SUPT6H: variants seen among roughly 807,000 people sequenced by gnomAD.
SUPT6H encodes the protein transcription elongation factor SPT6.
Under a neutral mutation model 222.3 loss-of-function variants are expected in SUPT6H, and 11 were observed. The observed-to-expected ratio is 0.05, with a 90% CI of 0.03 to 0.08. The LOEUF (loss-of-function observed/expected upper bound fraction) is 0.08. SUPT6H is among the 10% of genes least tolerant of loss of function. SUPT6H has a pLI of 1.00. For synonymous variants in SUPT6H, 762 were observed against 801.2 expected, an observed-to-expected ratio of 0.95 and a Z score of 0.83; for missense variants, 1,422 against 2,216.0, an observed-to-expected ratio of 0.64 and a Z score of 7.19.
At chr17:28,667,067 A>AAT (rs375475021) in intron 1 of SUPT6H, among the ~76,000 whole-genome samples, 83 of 152,004 alleles carry the variant, frequency 5.5e-4, no homozygotes, top group African/African-American at 1.9e-3. Context: ...ATACCTTTGG[A>AAT]ATAGTCCTAG....
Position 28,683,642 on chromosome 17 carries a change from T to C in SUPT6H, c.2055T>C (p.Tyr685=). The change falls in exon 17 of 37, where the codon TAT becomes TAC. Residue 685 remains tyrosine (Y), a synonymous_variant. Coordinates refer to ENST00000314616, the MANE Select transcript of SUPT6H (RefSeq NM_003170.5). Reference sequence around the variant, plus strand: ...TCAGCTATGGCAACGACCAGACATATTTTGAGGAGATAAAACAGTTTTACT... The same window carrying C: ...TCAGCTATGGCAACGACCAGACATACTTTGAGGAGATAAAACAGTTTTACT... ...GVEGYGNDQT[Y]FEEIKQFYYR... is the part of the protein sequence containing the mutation. The C allele has an allele frequency of 6.2e-7, 1 of 1,614,052 alleles. No homozygotes were observed. Among genetic ancestry groups the C allele is most frequent in the African/African-American group, 1.3e-5 (1 of 75,006 alleles).
At chr17:28,681,800 T>C (rs2031117140) in intron 12 of SUPT6H, 82 bp from the exon 13 acceptor site, 2 of 1,273,052 alleles carry the variant, frequency 1.6e-6, no homozygotes, top group African/African-American at 1.5e-5. Flanking sequence ...TGGGTACCCT[T>C]TGAGGCTTCT....
Position 28,664,685 on chromosome 17 carries a change from C to G in SUPT6H, c.-32+2343C>G, listed in dbSNP as rs1307573398. ...TTGCAGAATCACGCGTCAAAAATGC[C>G]TGTTTAATTATCTCCATTTGGATAT... On this transcript the variant is annotated intron_variant, in intron 1 of 36. Coordinates refer to ENST00000314616, the MANE Select transcript of SUPT6H (RefSeq NM_003170.5). 2.6e-5 allele frequency among the ~76,000 whole-genome samples: 4 copies of G among 152,194 alleles called. No individual in the cohort carries two copies. The South Asian group carries it at 6.2e-4, about 24-fold the overall frequency.
At chr17:28,664,964 C>T (rs1308746262) in intron 1 of SUPT6H, among the ~76,000 whole-genome samples, 1 of 152,312 alleles carries the variant, frequency 6.6e-6, no homozygotes, top group East Asian at 1.9e-4. Context: ...CCACCTTATT[C>T]CAAGCCACCA....
intron 33 of SUPT6H, 62 bp from the exon 34 acceptor site, chr17:28,700,111 C>A: frequency 2.5e-6 from 4 of 1,611,018 alleles, no homozygotes; most frequent in Middle Eastern, 1.7e-4. Context: ...CTTCCACCCC[C>A]TGAATTGGGA....
At chr17:28,693,620 C>T in intron 27 of SUPT6H, 76 bp from the exon 28 acceptor site, 1 of 1,568,636 alleles carries the variant, frequency 6.4e-7, no homozygotes, top group Non-Finnish European at 8.7e-7. Context: ...AATTACAACA[C>T]CTCTGGGAGC....
chr17:28,699,193 C>T (rs2032040290), intron 32 of SUPT6H, among the ~76,000 whole-genome samples: 4 of 152,180 alleles, frequency 2.6e-5, no homozygotes, highest in Admixed American at 2.0e-4. Context: ...TATCCTCACA[C>T]CCACCCCATA....
At chr17:28,675,881 G>A (rs1365441244) in intron 6 of SUPT6H, among the ~76,000 whole-genome samples, 1 of 152,122 alleles carries the variant, frequency 6.6e-6, no homozygotes, top group Non-Finnish European at 1.5e-5. Context: ...GCAGAAGATG[G>A]GTCCACTGAG....
At chr17:28,690,427 A>G (rs1253580508) in intron 26 of SUPT6H, among the ~76,000 whole-genome samples, 198 bp downstream of exon 26, 1 of 152,210 alleles carries the variant, frequency 6.6e-6, no homozygotes, top group Admixed American at 6.5e-5. Context: ...CCAGTGTGCT[A>G]TGGAATCTTC....
At chr17:28,698,177 G>A (rs1368185703) in intron 32 of SUPT6H, 147 bp downstream of exon 32, 1 of 1,171,462 alleles carries the variant, frequency 8.5e-7, no homozygotes, top group Non-Finnish European at 1.1e-6. Flanking sequence ...GGTTGGAGGT[G>A]GGAAAAGAGG....
intron 28 of SUPT6H, 23 bp from the exon 29 acceptor site, chr17:28,695,329 G>A (rs764943743): frequency 5.6e-6 from 9 of 1,606,738 alleles, no homozygotes; most frequent in South Asian, 4.4e-5. Context: ...GTCCCTTCCA[G>A]CTCAAATGTT....
Position 28,663,827 on chromosome 17 carries a change from C to CCTTTTTTTTTTTTTTTTTTTTT in SUPT6H, c.-32+1485_-32+1486insCTTTTTTTTTTTTTTTTTTTTT, listed in dbSNP as rs1567681347. Among the ~76,000 whole-genome samples, 20 of 8,394 alleles carry CCTTTTTTTTTTTTTTTTTTTTT rather than the reference C, an allele frequency of 2.4e-3. 1 individual carries two copies. Among genetic ancestry groups the CCTTTTTTTTTTTTTTTTTTTTT allele is most frequent in the South Asian group, 6.6e-3 (1 of 152 alleles). The allele number at this position is 8,394 out of a possible 152,430, so 5.5% of individuals were successfully genotyped here. A position where few individuals can be genotyped will look rare whatever the true frequency, so the allele number is the denominator to read the frequency against. On this transcript the variant is annotated intron_variant, in intron 1 of 36. Transcript: ENST00000314616. The stretch of plus-strand genomic sequence containing the variant: ...AATCTGGCTTCTCTTCTGCCCACTC[C>CCTTTTTTTTTTTTTTTTTTTTT]ATTTTTTTTTTTTTTTTTGTGGAGA...
chr17:28,701,098 C>G lies in SUPT6H; in HGVS notation c.4964C>G (p.Ser1655Cys), dbSNP rs373622785. ...QSAQAQPQPS[S>C]SSRQRQQQPK... ...GCCCAGGCCCAGCCCCAGCCCTCTT[C>G]CAGCTCCCGGCAACGGCAGCAGCAG... is the stretch of plus-strand genomic sequence containing the variant. Residue 1655 changes from serine to cysteine, a missense_variant, in exon 36 of 37, where the codon TCC becomes TGC. By Grantham distance (112) the Ser-to-Cys change is moderately radical. Around this residue, in one of 13 missense-constraint regions of SUPT6H, gnomAD observed 395 missense variants for 580.6 expected, o/e 0.68. Coordinates refer to ENST00000314616, the MANE Select transcript of SUPT6H (RefSeq NM_003170.5). The G allele has an allele frequency of 1.9e-6, 3 of 1,612,436 alleles. No homozygotes were observed. The highest frequency in any genetic ancestry group is 2.5e-6 in the Non-Finnish European group (3 of 1,179,640).
intron 1 of SUPT6H, among the ~76,000 whole-genome samples, chr17:28,663,581 G>C (rs1244592395): frequency 6.6e-6 from 1 of 152,128 alleles, no homozygotes; most frequent in Admixed American, 6.6e-5. Flanking sequence ...CATCAGTCCT[G>C]CCTGTAATCC....
At chr17:28,679,918 A>G (rs1370481706) in intron 11 of SUPT6H, among the ~76,000 whole-genome samples, 5 of 146,436 alleles carry the variant, frequency 3.4e-5, no homozygotes, top group Admixed American at 2.8e-4. Context: ...TGAATCTAGG[A>G]TGCAGAGGTT....
intron 19 of SUPT6H, 112 bp downstream of exon 19, chr17:28,685,073 G>A (rs1032557439): frequency 6.7e-6 from 7 of 1,044,848 alleles, no homozygotes; most frequent in Non-Finnish European, 9.9e-6. Context: ...GATTGTGTCT[G>A]ATCTGGTCAC....
At chr17:28,689,072 A>T (rs1305159899) in intron 24 of SUPT6H, 1 of 349,328 alleles carries the variant, frequency 2.9e-6, no homozygotes, top group African/African-American at 2.1e-5. Context: ...AGTTTTTCTA[A>T]ATTTTATTTT....
chr17:28,670,658 G>A (rs1020103535), intron 1 of SUPT6H, among the ~76,000 whole-genome samples: 2 of 152,070 alleles, frequency 1.3e-5, no homozygotes, highest in East Asian at 1.9e-4. Flanking sequence ...AGGCCGAGGC[G>A]GGCAGATCAC....
intron 1 of SUPT6H, among the ~76,000 whole-genome samples, chr17:28,667,439 A>ATATATG (rs1454850560): frequency 2.5e-5 from 3 of 119,434 alleles, no homozygotes; most frequent in Non-Finnish European, 5.2e-5. Flanking sequence ...ATATATATGT[A>ATATATG]TGTGTGTGTG....
Sources: allele counts gnomAD v4.1 joint callset (sites outside exome capture counted in the v4.1 genomes callset), GRCh38; gene constraint gnomAD v4.1.1; regional missense constraint gnomAD v4.1.1; transcripts MANE v1.5; gene names NCBI Gene and HGNC (gene_info 2026-07-23, HGNC 2026-07-21).